The following CECR2 variants were observed in gnomAD, a reference collection of about 807,000 sequenced individuals.
The protein encoded by CECR2 is CECR2 histone acetyl-lysine reader.
In CECR2, 30 loss-of-function variants were observed where a neutral mutation model predicts 154.5. The ratio of observed to expected loss-of-function variants is 0.19; its 90% CI spans 0.15 to 0.26. CECR2 has a LOEUF of 0.26. Among genes scored for constraint, CECR2 ranks in the 10% least tolerant of loss-of-function variants. The pLI, the probability that CECR2 is intolerant of heterozygous loss-of-function variation, is 1.00. For synonymous variants in CECR2, 725 were observed against 683.7 expected (o/e 1.06, Z -0.94); for missense variants, 1,743 against 1,829.3 (o/e 0.95, Z 0.86).
chr22:17,542,688 C>T lies in CECR2; in HGVS notation c.2545C>T (p.His849Tyr). The T allele has an allele frequency of 3.1e-6, 5 of 1,614,048 alleles. No individual in the cohort carries two copies. The highest frequency in any genetic ancestry group is 4.2e-6 in the Non-Finnish European group (5 of 1,179,908). The change falls in exon 16 of 19, where the codon CAT becomes TAT. Residue 849 changes from histidine (H) to tyrosine (Y), a missense_variant. Physicochemically the swap from His to Tyr is moderately conservative, Grantham distance 83. Transcript: ENST00000262608. ...GCGACCGCCCTGCAAGTCTGCCGGA[C>T]ATCGGTTACAGCCACCTCCAGTGCC... ...YMRPPCKSAG[H>Y]RLQPPPVPAP...
intron 1 of CECR2, among the ~76,000 whole-genome samples, chr22:17,440,322 G>A (rs5746381): frequency 0.13 from 19,075 of 151,986 alleles, 1,380 homozygotes; most frequent in South Asian, 0.25. Flanking sequence ...TTTGTCAGAG[G>A]GCTTCCTAGC....
upstream of CECR2, among the ~76,000 whole-genome samples, chr22:17,368,578 G>T (rs894040422): frequency 6.6e-6 from 1 of 152,108 alleles, no homozygotes; most frequent in Admixed American, 6.5e-5. Flanking sequence ...ACACCCTTCG[G>T]CCGTAGCACA....
At chr22:17,497,289 G>A in intron 2 of CECR2, 114 bp from the exon 3 acceptor site, 1 of 1,071,592 alleles carries the variant, frequency 9.3e-7, no homozygotes, top group Non-Finnish European at 1.3e-6. Context: ...GACCCTGTCT[G>A]TATAAAAACA....
Position 17,409,241 on chromosome 22 carries a change from G to A in CECR2, c.126+39332G>A, listed in dbSNP as rs1163309343. Among the ~76,000 whole-genome samples, 3 of 96,272 alleles carry A rather than the reference G, an allele frequency of 3.1e-5. 1 individual carries two copies. Among genetic ancestry groups the A allele is most frequent in the East Asian group, 2.1e-4 (1 of 4,688 alleles). The allele number at this position is 96,272 out of a possible 152,430, so 63.2% of individuals were successfully genotyped here. A position where few individuals can be genotyped will look rare whatever the true frequency, so the allele number is the denominator to read the frequency against. On this transcript the variant is annotated intron_variant, in intron 1 of 18. Coordinates refer to ENST00000262608, the MANE Select transcript of CECR2 (RefSeq NM_001290047.2). Reference sequence around the variant, plus strand: ...TCCACCTCGCGGGTTCAAGCGATTCGCGTGCCTCAGCCTTCTGAGTAACTG... The same window carrying A: ...TCCACCTCGCGGGTTCAAGCGATTCACGTGCCTCAGCCTTCTGAGTAACTG...
chr22:17,409,312 T>C (rs912641875), intron 1 of CECR2, among the ~76,000 whole-genome samples: 1 of 111,316 alleles, frequency 9.0e-6, no homozygotes, highest in Admixed American at 9.6e-5. Flanking sequence ...TTTGTATTTT[T>C]AATAGAGACG....
intron 1 of CECR2, among the ~76,000 whole-genome samples, chr22:17,417,993 A>C (rs56113463): frequency 0.087 from 13,185 of 152,212 alleles, 720 homozygotes; most frequent in South Asian, 0.16. Flanking sequence ...TTAAAAAAAA[A>C]CATAAAAACC....
At chr22:17,373,417 T>C (rs1196636790) in intron 1 of CECR2, among the ~76,000 whole-genome samples, 1 of 152,140 alleles carries the variant, frequency 6.6e-6, no homozygotes, top group African/African-American at 2.4e-5. Flanking sequence ...TATATAAACG[T>C]GAAAATTATC....
intron 1 of CECR2, among the ~76,000 whole-genome samples, chr22:17,418,062 TGA>T (rs1366671417): frequency 6.6e-6 from 1 of 152,196 alleles, no homozygotes; most frequent in Non-Finnish European, 1.5e-5. Flanking sequence ...AGTATACAGT[TGA>T]GTTTTGACAG....
intron 2 of CECR2, among the ~76,000 whole-genome samples, chr22:17,485,453 G>A (rs1021394781): frequency 1.3e-5 from 2 of 152,248 alleles, no homozygotes; most frequent in Admixed American, 6.5e-5. Flanking sequence ...GATTACACCC[G>A]AACCCAATTA....
Position 17,543,003 on chromosome 22 carries a change from G to A in CECR2, c.2860G>A (p.Ala954Thr). ...SEAQEPENDQ[A>T]EPLPGLEEKP... is the part of the protein sequence containing the mutation. ...AGCACAAGAGCCTGAGAATGACCAAGGTAATTTACACTGTCACTTTGGGCT... is the reference window on the plus strand; with the variant it reads ...AGCACAAGAGCCTGAGAATGACCAAAGTAATTTACACTGTCACTTTGGGCT... Residue 954 changes from alanine to threonine, a missense_variant and splice_region_variant, in exon 16 of 19, where the codon GCA becomes ACA. Transcript: ENST00000262608. The A allele has an allele frequency of 6.3e-7, 1 of 1,599,304 alleles. No individual in the cohort carries two copies. Among genetic ancestry groups the A allele is most frequent in the Non-Finnish European group, 8.5e-7 (1 of 1,171,996 alleles).
intron 10 of CECR2, 63 bp from the exon 11 acceptor site, chr22:17,538,457 T>G: frequency 4.8e-6 from 7 of 1,463,136 alleles, no homozygotes; most frequent in Non-Finnish European, 5.7e-6. Context: ...GCGATAGACC[T>G]GAGAGAGCTC....
In CECR2 at chr22:17,551,209, G is replaced by C. The variant is rs1228209701; in HGVS notation, c.4278-822G>C. Among the ~76,000 whole-genome samples the C allele has an allele frequency of 2.6e-5, 4 of 152,146 alleles. No individual in the cohort carries two copies. The East Asian group carries it at 7.7e-4, about 29-fold the overall frequency. On this transcript the variant is annotated intron_variant, in intron 17 of 18. Coordinates refer to ENST00000262608, the MANE Select transcript of CECR2 (RefSeq NM_001290047.2). The stretch of plus-strand genomic sequence containing the variant: ...ATCTCCTAAGAATGGACATGCCTTG[G>C]AGCACCATTTCAAAACGATTACCAC...
chr22:17,458,446 C>A (rs2054887622), intron 1 of CECR2, among the ~76,000 whole-genome samples: 3 of 148,460 alleles, frequency 2.0e-5, no homozygotes. Flanking sequence ...AACCACATAA[C>A]ACACACATGA....
At chr22:17,484,735 G>A (rs553317951) in intron 2 of CECR2, among the ~76,000 whole-genome samples, 28 of 152,162 alleles carry the variant, frequency 1.8e-4, no homozygotes, top group East Asian at 5.8e-4. Context: ...AAAATTAGCC[G>A]GGTGTATTGG....
At position 17,453,021 on chromosome 22, in the gene CECR2, G is replaced by A. The variant is rs567144249; in HGVS notation, c.127-24567G>A. On this transcript the variant is annotated intron_variant, in intron 1 of 18. Coordinates refer to ENST00000262608, the MANE Select transcript of CECR2 (RefSeq NM_001290047.2). ...CATAATAGACACACAAATGTTTATCGGATATTTATTGAAATATAGGAATTT... is the reference window on the plus strand; with the variant it reads ...CATAATAGACACACAAATGTTTATCAGATATTTATTGAAATATAGGAATTT... 1.3e-4 allele frequency among the ~76,000 whole-genome samples: 20 copies of A among 152,038 alleles called. No individual in the cohort carries two copies. In the South Asian group the frequency reaches 2.5e-3, roughly 19 times the overall value.
chr22:17,368,030 T>C (rs1330578219), upstream of CECR2, among the ~76,000 whole-genome samples: 1 of 152,022 alleles, frequency 6.6e-6, no homozygotes, highest in African/African-American at 2.4e-5. Flanking sequence ...GAGAGAGTGG[T>C]GGGGGGCGGA....
intron 1 of CECR2, among the ~76,000 whole-genome samples, chr22:17,428,066 T>C (rs868651299): frequency 2.6e-5 from 4 of 152,252 alleles, no homozygotes; most frequent in Non-Finnish European, 5.9e-5. Flanking sequence ...TTTGCATTTC[T>C]CTGATGACCA....
At chr22:17,416,925 A>G (rs999400024) in intron 1 of CECR2, among the ~76,000 whole-genome samples, 5 of 152,154 alleles carry the variant, frequency 3.3e-5, no homozygotes, top group Non-Finnish European at 5.9e-5. Flanking sequence ...GTGCACATTT[A>G]TGATTATTTC....
chr22:17,548,195 T>G lies in CECR2; in HGVS notation c.2908T>G (p.Ser970Ala). ...LEEKPPGVGT[S>A]EGVYLTQLPH... ...AGAGAAACCACCAGGTGTTGGTACT[T>G]CAGAGGGGGTCTACCTCACACAACT... The change falls in exon 17 of 19, where the codon TCA (serine) becomes GCA (alanine). Residue 970 changes from serine to alanine, a missense_variant. Transcript: ENST00000262608. 6.3e-7 allele frequency: 1 copy of G among 1,586,156 alleles called. No homozygotes were observed. Among genetic ancestry groups the G allele is most frequent in the Non-Finnish European group, 8.6e-7 (1 of 1,166,298 alleles).
Sources: gnomAD v4.1 joint callset for allele counts (sites outside exome capture counted in the v4.1 genomes callset) on GRCh38, gnomAD v4.1.1 for gene constraint, MANE v1.5 for transcripts, NCBI Gene and HGNC (gene_info 2026-07-23, HGNC 2026-07-21) for gene names.